The following MRTFB variants were observed in gnomAD, a reference collection of about 807,000 sequenced individuals.
MRTFB encodes the protein myocardin-related transcription factor B.
MRTFB carries 29 observed loss-of-function variants against 104.2 expected under a neutral mutation model. The observed-to-expected ratio is 0.28, with a 90% confidence interval of 0.21 to 0.38. The LOEUF (loss-of-function observed/expected upper bound fraction) is 0.38. MRTFB is among the 10% of genes least tolerant of loss of function. The pLI is 1.00. For synonymous variants in MRTFB, 535 were observed against 519.5 expected (o/e 1.03, Z -0.41); for missense variants, 1,270 against 1,341.6 (o/e 0.95, Z 0.83).
In MRTFB at chr16:14,263,971, T is replaced by G. The variant is rs555417944; in HGVS notation, c.*2527T>G. 6.6e-6 allele frequency: 1 copy of G among 152,278 alleles called. No individual in the cohort carries two copies. The highest frequency in any genetic ancestry group is 1.9e-4 in the East Asian group (1 of 5,184). The allele number at this position is 152,278 out of a possible 1,614,324, so 9.4% of individuals were successfully genotyped here. On this transcript the variant is annotated 3_prime_UTR_variant, in exon 17 of 17. Transcript: ENST00000571589. Reference sequence around the variant, plus strand: ...GTGAGGACGCGCTATGTGCTCACACTCATGTGACATGACCAAAGATGATAC... The same window carrying G: ...GTGAGGACGCGCTATGTGCTCACACGCATGTGACATGACCAAAGATGATAC...
At chr16:14,080,509 T>C (rs779562497) in intron 2 of MRTFB, among the ~76,000 whole-genome samples, 1 of 152,226 alleles carries the variant, frequency 6.6e-6, no homozygotes, top group Admixed American at 6.5e-5. Context: ...TTACTCTCTT[T>C]GTATTTACTC....
chr16:14,184,099 G>A (rs2039862364), intron 3 of MRTFB, among the ~76,000 whole-genome samples: 1 of 138,516 alleles, frequency 7.2e-6, no homozygotes, highest in Admixed American at 7.2e-5. Context: ...AAAAAAGTTG[G>A]CATTTATTGT....
chr16:14,163,635 C>G (rs2039122835), intron 3 of MRTFB, among the ~76,000 whole-genome samples: 1 of 152,072 alleles, frequency 6.6e-6, no homozygotes, highest in Admixed American at 6.6e-5. Context: ...AGTTCAAAAA[C>G]AGCCTGGCCA....
At chr16:14,088,937 G>A (rs942762305) in intron 2 of MRTFB, among the ~76,000 whole-genome samples, 1 of 152,104 alleles carries the variant, frequency 6.6e-6, no homozygotes, top group Non-Finnish European at 1.5e-5. Flanking sequence ...TGCAAATTGC[G>A]TGCTTTTTTG....
At chr16:14,095,895 G>C (rs996799520) in intron 2 of MRTFB, among the ~76,000 whole-genome samples, 1 of 151,408 alleles carries the variant, frequency 6.6e-6, no homozygotes, top group Non-Finnish European at 1.5e-5. Context: ...ATTTACAACA[G>C]TGCTTACAAG....
At chr16:14,020,717 G>A in the MRTFB span, among the ~76,000 whole-genome samples, 3 of 152,160 alleles carry the variant, frequency 2.0e-5, no homozygotes, top group East Asian at 5.8e-4. Context: ...TTATAATGGA[G>A]ACCATTCTCC....
chr16:14,251,563 G>A (rs1375238574), intron 13 of MRTFB, among the ~76,000 whole-genome samples: 1 of 152,136 alleles, frequency 6.6e-6, no homozygotes, highest in Non-Finnish European at 1.5e-5. Context: ...CTCGAAAATA[G>A]GGGTAAGCAA....
intron 10 of MRTFB, 26 bp downstream of exon 10, chr16:14,240,510 A>G (rs1366814744): frequency 4.3e-6 from 7 of 1,614,064 alleles, no homozygotes; most frequent in Non-Finnish European, 5.9e-6. Flanking sequence ...TGCTATCCTC[A>G]ACGCGGGGTT....
chr16:14,250,423 T>C (rs2151425284), intron 13 of MRTFB, among the ~76,000 whole-genome samples: 1 of 152,322 alleles, frequency 6.6e-6, no homozygotes, highest in South Asian at 2.1e-4. Context: ...TTGTGGCTCT[T>C]GATGGAGGTG....
chr16:14,258,256 T>C (rs2043597231), intron 16 of MRTFB, 95 bp downstream of exon 16: 1 of 920,452 alleles, frequency 1.1e-6, no homozygotes, highest in East Asian at 2.5e-5. Context: ...TATCTTTAGA[T>C]ACTGAGAAAC....
intron 8 of MRTFB, among the ~76,000 whole-genome samples, chr16:14,226,479 A>G (rs987163278): frequency 6.6e-6 from 1 of 152,214 alleles, no homozygotes; most frequent in Non-Finnish European, 1.5e-5. Flanking sequence ...GGATATCCAC[A>G]TGCAAAAAAG....
intron 3 of MRTFB, chr16:14,151,217 T>C (rs2038598996): frequency 1.3e-5 from 2 of 152,244 alleles, no homozygotes; most frequent in Admixed American, 6.5e-5. Context: ...TAAGTTTTGG[T>C]AAATTTTAAC....
chr16:14,094,863 T>G (rs182157094), intron 2 of MRTFB, among the ~76,000 whole-genome samples: 1 of 152,344 alleles, frequency 6.6e-6, no homozygotes, highest in Non-Finnish European at 1.5e-5. Flanking sequence ...GAGTCTTTTT[T>G]GGAGAAACAA....
In MRTFB at chr16:14,266,640, C is replaced by T. The variant is rs750740021; in HGVS notation, c.*5196C>T. 5.3e-5 allele frequency: 8 copies of T among 152,158 alleles called. No homozygotes were observed. The highest frequency in any genetic ancestry group is 1.0e-4 in the Non-Finnish European group (7 of 68,032). The allele number at this position is 152,158 out of a possible 1,614,324, so 9.4% of individuals were successfully genotyped here. A position where few individuals can be genotyped will look rare whatever the true frequency, so the allele number is the denominator to read the frequency against. ...ATGTACTGTACATAAGTAATGCATA[C>T]TGTATTTTTATATGTGTGCACATTT... is the stretch of plus-strand genomic sequence containing the variant. On this transcript the variant is annotated 3_prime_UTR_variant, in exon 17 of 17. Transcript: ENST00000571589.
chr16:14,003,814 A>T, the MRTFB span, among the ~76,000 whole-genome samples: 1 of 152,166 alleles, frequency 6.6e-6, no homozygotes, highest in Admixed American at 6.5e-5. Flanking sequence ...ATGAGGCTGG[A>T]TGTGAGACGA....
At chr16:14,244,619 TC>T (rs2042934738) in intron 10 of MRTFB, among the ~76,000 whole-genome samples, 1 of 152,240 alleles carries the variant, frequency 6.6e-6, no homozygotes, top group Non-Finnish European at 1.5e-5. Flanking sequence ...GCAGGGCTAT[TC>T]TGTTGTGATT....
the MRTFB span, among the ~76,000 whole-genome samples, chr16:14,036,841 G>A: frequency 6.6e-6 from 1 of 152,064 alleles, no homozygotes; most frequent in African/African-American, 2.4e-5. Flanking sequence ...GGCCCCCAGG[G>A]CCAGCCCCCA....
chr16:14,248,965 G>GCAACTGCTGCACAAATAC lies in MRTFB; in HGVS notation c.2298_2315dup (p.Gln767_Ala772dup), dbSNP rs754196539. ...AGGAATGCAGACTCAGCCTCAGATAGCAACTGCTGCACAAATACCAACTGC... is the reference window on the plus strand; with the variant it reads ...AGGAATGCAGACTCAGCCTCAGATAGCAACTGCTGCACAAATACCAACTGCTGCACAAATACCAACTGC... On this transcript the variant is annotated inframe_insertion, in exon 13 of 17. Transcript: ENST00000571589. The GCAACTGCTGCACAAATAC allele has an allele frequency of 3.7e-6, 6 of 1,614,078 alleles. No homozygotes were observed. In the Admixed American group the frequency reaches 1.0e-4, roughly 27 times the overall value.
intron 8 of MRTFB, among the ~76,000 whole-genome samples, chr16:14,228,193 G>T (rs2042094971): frequency 6.6e-6 from 1 of 152,186 alleles, no homozygotes; most frequent in Admixed American, 6.5e-5. Flanking sequence ...AAAGTGAAAT[G>T]GTATAGCCAC....
Sources: allele counts gnomAD v4.1 joint callset (sites outside exome capture counted in the v4.1 genomes callset), GRCh38; gene constraint gnomAD v4.1.1; transcripts MANE v1.5; gene names NCBI Gene and HGNC (gene_info 2026-07-23, HGNC 2026-07-21).